The following CSMD1 variants were observed in gnomAD, a reference collection of about 807,000 sequenced individuals.
CSMD1 encodes the protein CUB and sushi domain-containing protein 1.
CSMD1 carries 213 observed loss-of-function variants against 417.5 expected under a neutral mutation model. The ratio of observed to expected loss-of-function variants is 0.51; its 90% CI spans 0.46 to 0.57. The LOEUF is 0.57. Among genes scored for constraint, CSMD1 ranks in the 20% least tolerant of loss-of-function variants. The pLI is 0.00. For missense variants in CSMD1, 6,923 were observed against 4,529.7 expected (o/e 1.53, Z -15.17); for synonymous variants, 2,862 against 1,736.8 (o/e 1.65, Z -16.11).
chr8:3,618,022 G>C lies in CSMD1; in HGVS notation c.1010-1225C>G, dbSNP rs193135201. ...GTTTAGCTTAGTTTGTTTGTTTTGA[G>C]ACAGGATCTCACTCTGTTGCCCAGG... On this transcript the variant is annotated intron_variant, in intron 7 of 69. Transcript: ENST00000635120. Among the ~76,000 whole-genome samples the C allele has an allele frequency of 3.7e-3, 569 of 152,196 alleles. 3 individuals carry two copies. The highest frequency in any genetic ancestry group is 0.013 in the African/African-American group (540 of 41,534).
chr8:3,905,682 T>G (rs1030959011), intron 5 of CSMD1, among the ~76,000 whole-genome samples: 1 of 152,210 alleles, frequency 6.6e-6, no homozygotes, highest in South Asian at 2.1e-4. Context: ...AACCACTCTT[T>G]GAGAACCACA....
In CSMD1 at chr8:2,986,721, G is replaced by C. The variant is rs574105332; in HGVS notation, c.8378-7921C>G. ...GGTTTTCACTCTGTTAGCCAGGATGGTTTTGATCTCCTGACCTCGTGATTC... is the reference window on the plus strand; with the variant it reads ...GGTTTTCACTCTGTTAGCCAGGATGCTTTTGATCTCCTGACCTCGTGATTC... On this transcript the variant is annotated intron_variant, in intron 54 of 69. Coordinates refer to ENST00000635120, the MANE Select transcript of CSMD1 (RefSeq NM_033225.6). Among the ~76,000 whole-genome samples the C allele has an allele frequency of 9.2e-5, 14 of 152,154 alleles. No individual in the cohort carries two copies. The South Asian group carries it at 2.9e-3, about 32-fold the overall frequency.
chr8:3,839,134 GATAT>G (rs1273048328), intron 5 of CSMD1, among the ~76,000 whole-genome samples: 3 of 122,130 alleles, frequency 2.5e-5, no homozygotes, highest in East Asian at 2.3e-4. Context: ...ACTCTCTCTA[GATAT>G]ATATAGTCTA....
intron 1 of CSMD1, among the ~76,000 whole-genome samples, chr8:4,961,480 A>G (rs1353109293): frequency 1.3e-5 from 2 of 152,074 alleles, no homozygotes; most frequent in Non-Finnish European, 2.9e-5. Context: ...CATATTCTCC[A>G]ATGACATTTT....
chr8:4,676,120 C>G (rs774292779), intron 1 of CSMD1, among the ~76,000 whole-genome samples: 1 of 152,138 alleles, frequency 6.6e-6, no homozygotes, highest in East Asian at 1.9e-4. Context: ...CACAATTCTG[C>G]TATGCATAAG....
intron 4 of CSMD1, among the ~76,000 whole-genome samples, chr8:4,019,187 C>G (rs781617263): frequency 3.9e-5 from 6 of 152,172 alleles, no homozygotes; most frequent in Non-Finnish European, 8.8e-5. Flanking sequence ...CAGTCCAAGA[C>G]AGGTTTATTA....
At chr8:3,383,913 A>C (rs1403038915) in intron 18 of CSMD1, among the ~76,000 whole-genome samples, 1 of 152,214 alleles carries the variant, frequency 6.6e-6, no homozygotes, top group African/African-American at 2.4e-5. Context: ...AACACAGCTA[A>C]CTGCCATAAT....
intron 1 of CSMD1, among the ~76,000 whole-genome samples, chr8:4,899,934 A>G (rs1422682377): frequency 1.3e-5 from 2 of 152,170 alleles, no homozygotes; most frequent in African/African-American, 4.8e-5. Flanking sequence ...AGTCTTGTTC[A>G]CAGTAGGCCT....
chr8:3,228,928 CTG>C (rs1274422259), intron 27 of CSMD1, among the ~76,000 whole-genome samples: 3 of 152,124 alleles, frequency 2.0e-5, no homozygotes, highest in African/African-American at 7.2e-5. Flanking sequence ...AAACGCGTGA[CTG>C]TGCTCACAGA....
intron 5 of CSMD1, among the ~76,000 whole-genome samples, chr8:3,845,424 A>T (rs1037025319): frequency 6.6e-6 from 1 of 152,178 alleles, no homozygotes; most frequent in Non-Finnish European, 1.5e-5. Context: ...ATAGATATCT[A>T]TGTATCTAAG....
intron 2 of CSMD1, among the ~76,000 whole-genome samples, chr8:4,584,205 A>C (rs1038727575): frequency 2.0e-5 from 3 of 152,002 alleles, no homozygotes; most frequent in Non-Finnish European, 4.4e-5. Flanking sequence ...TCATTCTTGA[A>C]GCTAGTGAGA....
chr8:3,799,437 C>G (rs117738744), intron 5 of CSMD1, among the ~76,000 whole-genome samples: 3,514 of 131,208 alleles, frequency 0.027, 58 homozygotes, highest in African/African-American at 0.049. Flanking sequence ...TGATGTTCCC[C>G]TTCTTGTGTC....
intron 37 of CSMD1, among the ~76,000 whole-genome samples, chr8:3,171,564 G>C (rs898909880): frequency 1.3e-5 from 2 of 152,048 alleles, no homozygotes; most frequent in South Asian, 2.1e-4. Flanking sequence ...TTATTCCCTA[G>C]TTACTTACCA....
At chr8:4,314,426 G>A (rs1035712129) in intron 3 of CSMD1, among the ~76,000 whole-genome samples, 11 of 152,292 alleles carry the variant, frequency 7.2e-5, no homozygotes, top group Admixed American at 2.0e-4. Context: ...TCTATTTCAG[G>A]AAGCAGTATG....
At chr8:4,650,764 A>T (rs190152427) in intron 1 of CSMD1, among the ~76,000 whole-genome samples, 83 of 152,184 alleles carry the variant, frequency 5.5e-4, no homozygotes, top group Non-Finnish European at 1.0e-3. Flanking sequence ...CTATTTAAGC[A>T]TGGTTATTCA....
At chr8:4,830,190 T>C (rs1266490870) in intron 1 of CSMD1, among the ~76,000 whole-genome samples, 2 of 152,140 alleles carry the variant, frequency 1.3e-5, no homozygotes, top group Admixed American at 6.5e-5. Flanking sequence ...AGCAATGGGA[T>C]TGTGAAACAG....
At chr8:4,945,957 T>G (rs1808340670) in intron 1 of CSMD1, among the ~76,000 whole-genome samples, 1 of 152,118 alleles carries the variant, frequency 6.6e-6, no homozygotes, top group South Asian at 2.1e-4. Flanking sequence ...TGCAAGAAAG[T>G]AGGACATATC....
At chr8:3,679,182 C>G (rs1349292150) in intron 7 of CSMD1, among the ~76,000 whole-genome samples, 3 of 152,024 alleles carry the variant, frequency 2.0e-5, no homozygotes, top group Non-Finnish European at 4.4e-5. Flanking sequence ...TCACACATAA[C>G]AATATTAACC....
At chr8:3,473,903 A>T (rs1465267655) in intron 11 of CSMD1, among the ~76,000 whole-genome samples, 1 of 152,106 alleles carries the variant, frequency 6.6e-6, no homozygotes. Flanking sequence ...GGTGAAAGGG[A>T]AGCAAGGCAC....
Sources: allele counts gnomAD v4.1 joint callset (sites outside exome capture counted in the v4.1 genomes callset), GRCh38; gene constraint gnomAD v4.1.1; transcripts MANE v1.5; gene names NCBI Gene and HGNC (gene_info 2026-07-23, HGNC 2026-07-21).